MYO7A: variants seen among roughly 807,000 people sequenced by gnomAD.
MYO7A encodes myosin VIIA.
MYO7A carries 210 observed loss-of-function variants against 263.8 expected under a neutral mutation model. The ratio of observed to expected loss-of-function variants is 0.80; its 90% CI spans 0.71 to 0.89. The LOEUF (loss-of-function observed/expected upper bound fraction) is 0.89. MYO7A is among the 40% of genes least tolerant of loss of function. The probability of loss-of-function intolerance (pLI) is 0.00; values close to 1 mark genes in which losing one functional copy is unlikely to be tolerated. For missense variants in MYO7A, 2,820 were observed against 2,968.3 expected, an observed-to-expected ratio of 0.95 and a Z score of 1.16; for synonymous variants, 1,239 against 1,197.3, an observed-to-expected ratio of 1.03 and a Z score of -0.72.
Position 77,182,699 on chromosome 11 carries a change from A to G in MYO7A, c.3285+99A>G, listed in dbSNP as rs566344005. 18 of 1,309,850 alleles carry G rather than the reference A, an allele frequency of 1.4e-5. No homozygotes were observed. The South Asian group carries it at 1.9e-4, about 14-fold the overall frequency. The allele number at this position is 1,309,850 out of a possible 1,614,324, so 81.1% of individuals were successfully genotyped here. Reference sequence around the variant, plus strand: ...GGCTCCTCTGCAGAAAAAGGATCCTATAATTCATCTCTGCCTCACCGACCC... The same window carrying G: ...GGCTCCTCTGCAGAAAAAGGATCCTGTAATTCATCTCTGCCTCACCGACCC... On this transcript the variant is annotated intron_variant, in intron 25 of 48. Transcript: ENST00000409709.
At chr11:77,142,662 A>G in intron 2 of MYO7A, 47 bp from the exon 3 acceptor site, 1 of 1,505,290 alleles carries the variant, frequency 6.6e-7, no homozygotes, top group South Asian at 1.2e-5. Flanking sequence ...AAGGGGCTCC[A>G]ATCCCCCTCC....
chr11:77,179,683 T>A, intron 20 of MYO7A, 52 bp from the exon 21 acceptor site: 4 of 1,458,082 alleles, frequency 2.7e-6, no homozygotes, highest in Non-Finnish European at 3.7e-6. Context: ...GCAGGCAGGG[T>A]CAGTCTGGAA....
intron 47 of MYO7A, 96 bp from the exon 48 acceptor site, chr11:77,213,764 C>A (rs1958006130): frequency 6.4e-7 from 1 of 1,569,162 alleles, no homozygotes; most frequent in South Asian, 1.1e-5. Flanking sequence ...GCCATGGGCT[C>A]CTCTGAGGGC....
At chr11:77,197,285 A>G (rs1565454573) in intron 32 of MYO7A, among the ~76,000 whole-genome samples, 196 bp from the exon 33 acceptor site, 3 of 152,202 alleles carry the variant, frequency 2.0e-5, no homozygotes, top group Admixed American at 6.5e-5. Context: ...TGGCACTCAA[A>G]AGTGCTCGCC....
intron 4 of MYO7A, among the ~76,000 whole-genome samples, chr11:77,149,557 G>A (rs1265599134): frequency 1.3e-5 from 2 of 152,152 alleles, no homozygotes; most frequent in Admixed American, 1.3e-4. Context: ...TGTTGTCACT[G>A]AAGAATCACG....
intron 3 of MYO7A, among the ~76,000 whole-genome samples, chr11:77,143,405 C>G (rs1346092272): frequency 6.6e-6 from 1 of 152,202 alleles, no homozygotes; most frequent in Non-Finnish European, 1.5e-5. Context: ...TGACACTGCT[C>G]TGGAAATTGG....
chr11:77,182,441 G>C lies in MYO7A; in HGVS notation c.3126G>C (p.Trp1042Cys). ...TGCCCCAGGCAGCCCTGGCGGTCTG[G>C]ATCACCATCCTCCGCTTCATGGGGG... The part of the protein sequence containing the change: ...EGDQLAALAV[W>C]ITILRFMGDL... The change falls in exon 25 of 49, where the codon TGG becomes TGC. Residue 1042 changes from tryptophan (W) to cysteine (C), a missense_variant. By Grantham distance (215) the Trp-to-Cys change is radical. Coordinates refer to ENST00000409709, the MANE Select transcript of MYO7A (RefSeq NM_000260.4). The C allele has an allele frequency of 6.2e-7, 1 of 1,607,198 alleles. No homozygotes were observed. Among genetic ancestry groups the C allele is most frequent in the Non-Finnish European group, 8.5e-7 (1 of 1,179,594 alleles).
At position 77,175,395 on chromosome 11, in the gene MYO7A, G is replaced by A; in HGVS notation, c.2118G>A (p.Gln706=). 6.2e-7 allele frequency: 1 copy of A among 1,613,314 alleles called. No homozygotes were observed. Among genetic ancestry groups the A allele is most frequent in the Non-Finnish European group, 8.5e-7 (1 of 1,179,870 alleles). Residue 706 remains glutamine, a synonymous_variant, in exon 18 of 49, where the codon CAG becomes CAA. Coordinates refer to ENST00000409709, the MANE Select transcript of MYO7A (RefSeq NM_000260.4). ...YKQGDLRGTC[Q]RMAEAVLGTH... ...AGGGCGACCTCCGCGGGACTTGCCA[G>A]CGCATGGCTGAGGCTGTGCTGGGCA...
chr11:77,179,706 C>T (rs1555082525), intron 20 of MYO7A, 29 bp from the exon 21 acceptor site: 8 of 1,505,934 alleles, frequency 5.3e-6, no homozygotes, highest in Non-Finnish European at 7.1e-6. Context: ...GGACAGCAGG[C>T]TCTGAGCATG....
chr11:77,201,652 G>C lies in MYO7A; in HGVS notation c.5043+14G>C. ...CGGGAGATTGTGGTATGTGGCCTGG[G>C]GGTGGCAGATGGGTGGGAGGTGCCA... On this transcript the variant is annotated intron_variant, in intron 36 of 48. Transcript: ENST00000409709. 6.2e-7 allele frequency: 1 copy of C among 1,609,722 alleles called. No homozygotes were observed. Among genetic ancestry groups the C allele is most frequent in the Non-Finnish European group, 8.5e-7 (1 of 1,176,674 alleles).
At chr11:77,186,544 A>G (rs528356575) in intron 27 of MYO7A, among the ~76,000 whole-genome samples, 1 of 152,312 alleles carries the variant, frequency 6.6e-6, no homozygotes, top group South Asian at 2.1e-4. Context: ...TTTTGGAGAC[A>G]GCTTCTTGCT....
At chr11:77,208,845 C>T (rs973510344) in intron 44 of MYO7A, 42 bp downstream of exon 44, 10 of 1,427,928 alleles carry the variant, frequency 7.0e-6, no homozygotes, top group South Asian at 2.5e-5. Flanking sequence ...GCACAGCTAG[C>T]GTTGCTGTAC....
intron 1 of MYO7A, among the ~76,000 whole-genome samples, chr11:77,128,881 A>C (rs1487767784): frequency 6.6e-6 from 1 of 152,112 alleles, no homozygotes; most frequent in African/African-American, 2.4e-5. Flanking sequence ...TCCTTCCTCT[A>C]TGCCCCAAAT....
At chr11:77,188,399 T>G (rs1413868508) in intron 27 of MYO7A, among the ~76,000 whole-genome samples, 1 of 152,234 alleles carries the variant, frequency 6.6e-6, no homozygotes, top group Non-Finnish European at 1.5e-5. Context: ...ATAAATGTTC[T>G]CATTTATCAT....
Position 77,162,777 on chromosome 11 carries a change from G to A in MYO7A, c.1555-76G>A, listed in dbSNP as rs1555069966. 4 of 1,554,026 alleles carry A rather than the reference G, an allele frequency of 2.6e-6. No homozygotes were observed. In the African/African-American group the frequency reaches 4.1e-5, roughly 16 times the overall value. ...GAAGCTCCTGAAGAAGAGACAGGGG[G>A]CAAAGACATGGGCAGGGAGGGGAGT... is the stretch of plus-strand genomic sequence containing the variant. On this transcript the variant is annotated intron_variant, in intron 13 of 48. Transcript: ENST00000409709.
At chr11:77,205,716 G>T (rs546777854) in intron 40 of MYO7A, 99 bp downstream of exon 40, 440 of 1,503,068 alleles carry the variant, frequency 2.9e-4, no homozygotes, top group Non-Finnish European at 3.8e-4. Context: ...CCACATAGCA[G>T]TTGGGCCCAC....
At chr11:77,189,892 G>A (rs1955918248) in intron 28 of MYO7A, 128 bp from the exon 29 acceptor site, 1 of 1,386,726 alleles carries the variant, frequency 7.2e-7, no homozygotes, top group Non-Finnish European at 9.5e-7. Flanking sequence ...AGCTGAGAGG[G>A]TAGGGAAGCC....
Position 77,147,616 on chromosome 11 carries a change from T to C in MYO7A, c.133-182T>C, listed in dbSNP as rs57262300. On this transcript the variant is annotated intron_variant, in intron 3 of 48. Transcript: ENST00000409709. ...AAGAGAAGGAGCGGTCCTTGAGGGG[T>C]AGAGGTGGCTGGTACCATCCTGACT... Among the ~76,000 whole-genome samples the C allele has an allele frequency of 0.053, 8,099 of 151,806 alleles. 717 individuals are homozygous for C. The highest frequency in any genetic ancestry group is 0.18 in the African/African-American group (7,585 of 41,362).
At chr11:77,190,278 T>G in intron 29 of MYO7A, 139 bp downstream of exon 29, 1 of 934,938 alleles carries the variant, frequency 1.1e-6, no homozygotes, top group Non-Finnish European at 1.5e-6. Flanking sequence ...ACACCTACCC[T>G]CAAGTTCTGG....
Sources: gnomAD v4.1 joint callset for allele counts (sites outside exome capture counted in the v4.1 genomes callset) on GRCh38, gnomAD v4.1.1 for gene constraint, MANE v1.5 for transcripts, NCBI Gene and HGNC (gene_info 2026-07-23, HGNC 2026-07-21) for gene names.